Variants in NCBP1 observed in about 807,000 individuals in gnomAD.
The protein encoded by NCBP1 is nuclear cap-binding protein subunit 1.
NCBP1 carries 16 observed loss-of-function variants against 111.7 expected under a neutral mutation model. The observed-to-expected ratio is 0.14, with a 90% CI of 0.10 to 0.22. NCBP1 has a LOEUF of 0.22. Among genes scored for constraint, NCBP1 ranks in the 10% least tolerant of loss-of-function variants. The pLI is 1.00. For missense variants in NCBP1, 607 were observed against 957.5 expected, an observed-to-expected ratio of 0.63 and a Z score of 4.83; for synonymous variants, 304 against 314.3, an observed-to-expected ratio of 0.97 and a Z score of 0.35.
intron 8 of NCBP1, among the ~76,000 whole-genome samples, chr9:97,648,931 G>T (rs1044373593): frequency 6.6e-6 from 1 of 152,022 alleles, no homozygotes; most frequent in Admixed American, 6.6e-5. Flanking sequence ...CAAACTCCTG[G>T]GCTCAAGCAA....
intron 7 of NCBP1, 30 bp downstream of exon 7, chr9:97,647,591 A>C (rs760531773): frequency 4.5e-5 from 70 of 1,539,162 alleles, no homozygotes; most frequent in Non-Finnish European, 6.0e-5. Context: ...TTGTGATACA[A>C]ACACAGTCAG....
intron 4 of NCBP1, among the ~76,000 whole-genome samples, chr9:97,644,718 G>T (rs1032740253): frequency 1.3e-5 from 2 of 152,162 alleles, no homozygotes; most frequent in African/African-American, 4.8e-5. Flanking sequence ...CTGGATTCTT[G>T]ATGTAGTATA....
chr9:97,649,510 A>G lies in NCBP1; in HGVS notation c.898-993A>G, dbSNP rs542688294. On this transcript the variant is annotated intron_variant, in intron 8 of 22. Transcript: ENST00000375147. ...TCTTCTATTGTCTCTTTTCTGTTCT[A>G]TGGTAAAGTGCTAATGACCAGTAGG... Among the ~76,000 whole-genome samples the G allele has an allele frequency of 2.6e-5, 4 of 152,298 alleles. No homozygotes were observed. The East Asian group carries it at 5.8e-4, about 22-fold the overall frequency.
At chr9:97,659,535 A>T (rs1232024275) in intron 15 of NCBP1, among the ~76,000 whole-genome samples, 1 of 152,234 alleles carries the variant, frequency 6.6e-6, no homozygotes, top group South Asian at 2.1e-4. Flanking sequence ...AGATATGATT[A>T]TCAAAACTAC....
At chr9:97,639,423 G>A (rs532900469) in intron 1 of NCBP1, among the ~76,000 whole-genome samples, 3 of 152,258 alleles carry the variant, frequency 2.0e-5, no homozygotes, top group African/African-American at 4.8e-5. Context: ...TGTGTTTTAT[G>A]AGAATCACCA....
intron 1 of NCBP1, among the ~76,000 whole-genome samples, chr9:97,636,559 T>A (rs1827037434): frequency 6.9e-6 from 1 of 145,486 alleles, no homozygotes; most frequent in South Asian, 2.1e-4. Flanking sequence ...ATAAGTTTTA[T>A]ATAAATATAT....
chr9:97,636,506 ATATTATAAATTTATATTTATATATT>A (rs899478023), intron 1 of NCBP1, among the ~76,000 whole-genome samples: 9 of 30,612 alleles, frequency 2.9e-4, no homozygotes, highest in Non-Finnish European at 1.0e-3. Flanking sequence ...TTATATTTAT[ATATTATAAATTTATATTTATATATT>A]ATATAAGTTT....
At chr9:97,637,504 G>A (rs902011986) in intron 1 of NCBP1, among the ~76,000 whole-genome samples, 5 of 152,186 alleles carry the variant, frequency 3.3e-5, no homozygotes, top group African/African-American at 1.2e-4. Context: ...CCCCATTTAA[G>A]CTTCTTAGAA....
Position 97,671,163 on chromosome 9 carries a change from G to A in NCBP1, c.2337G>A (p.Leu779=). The A allele has an allele frequency of 6.2e-7, 1 of 1,613,424 alleles. No individual in the cohort carries two copies. The highest frequency in any genetic ancestry group is 8.5e-7 in the Non-Finnish European group (1 of 1,179,444). The change falls in exon 23 of 23, where the codon TTG becomes TTA. Residue 779 remains leucine (L), a synonymous_variant. Transcript: ENST00000375147. The part of the protein sequence containing the change: ...LFTAELDPHI[L]AVFQQFCALQ... The stretch of plus-strand genomic sequence containing the variant: ...CTGCTGAATTAGACCCTCATATCTT[G>A]GCCGTGTTCCAGCAGTTCTGTGCCC...
At chr9:97,663,264 T>G (rs945438639) in intron 18 of NCBP1, among the ~76,000 whole-genome samples, 7 of 152,212 alleles carry the variant, frequency 4.6e-5, no homozygotes, top group South Asian at 4.1e-4. Context: ...CTATAATATC[T>G]CAATATGTTT....
intron 14 of NCBP1, among the ~76,000 whole-genome samples, chr9:97,657,315 C>T (rs1030550287): frequency 2.0e-5 from 3 of 152,192 alleles, no homozygotes; most frequent in African/African-American, 7.2e-5. Context: ...TTGTCATTCT[C>T]TTCAGATTCC....
chr9:97,653,028 G>A (rs1476669704), intron 10 of NCBP1, among the ~76,000 whole-genome samples: 1 of 151,988 alleles, frequency 6.6e-6, no homozygotes, highest in East Asian at 1.9e-4. Flanking sequence ...AAGAAGTCTT[G>A]GACTGCCAGA....
At position 97,660,991 on chromosome 9, in the gene NCBP1, T is replaced by A; in HGVS notation, c.1523T>A (p.Phe508Tyr). 6 of 1,612,888 alleles carry A rather than the reference T, an allele frequency of 3.7e-6. No homozygotes were observed. The highest frequency in any genetic ancestry group is 5.1e-6 in the Non-Finnish European group (6 of 1,179,742). Reference sequence around the variant, plus strand: ...GTTGCCCTCTGTTTAGCTGTTGCCTTTAAAAGTAAGGCAACCAATGATGAA... The same window carrying A: ...GTTGCCCTCTGTTTAGCTGTTGCCTATAAAAGTAAGGCAACCAATGATGAA... The part of the protein sequence containing the change: ...HSVALCLAVA[F>Y]KSKATNDEIF... The change falls in exon 16 of 23, where the codon TTT becomes TAT. Residue 508 changes from phenylalanine (F) to tyrosine (Y), a missense_variant. Phe to Tyr is a conservative substitution (Grantham distance 22, BLOSUM62 3). Coordinates refer to ENST00000375147, the MANE Select transcript of NCBP1 (RefSeq NM_002486.5).
At chr9:97,661,181 C>G (rs1432430909) in intron 16 of NCBP1, 113 bp downstream of exon 16, 1 of 1,284,792 alleles carries the variant, frequency 7.8e-7, no homozygotes, top group Admixed American at 2.6e-5. Context: ...TCTGTTTGAC[C>G]TGTTCAGACT....
At chr9:97,668,995 T>C (rs766385234) in intron 21 of NCBP1, 21 bp downstream of exon 21, 5 of 1,586,596 alleles carry the variant, frequency 3.2e-6, no homozygotes, top group Non-Finnish European at 4.3e-6. Flanking sequence ...TTGGGACATT[T>C]ATACATAAAA....
chr9:97,662,007 T>G (rs1827853925), intron 16 of NCBP1, 35 bp from the exon 17 acceptor site: 1 of 1,500,640 alleles, frequency 6.7e-7, no homozygotes, highest in Non-Finnish European at 9.3e-7. Context: ...TTGCTGTGCT[T>G]ACATTTTTCT....
At chr9:97,655,078 T>A in intron 12 of NCBP1, 134 bp downstream of exon 12, 1 of 643,484 alleles carries the variant, frequency 1.6e-6, no homozygotes, top group Non-Finnish European at 2.5e-6. Flanking sequence ...AACCTTTGTA[T>A]AATAACCAGA....
intron 14 of NCBP1, among the ~76,000 whole-genome samples, chr9:97,657,620 GTTC>G (rs1323162209): frequency 1.7e-4 from 26 of 152,132 alleles, no homozygotes; most frequent in African/African-American, 5.8e-4. Context: ...CTCTTACTCT[GTTC>G]TTCATCAGAT....
chr9:97,643,397 G>A, intron 4 of NCBP1, 37 bp downstream of exon 4: 1 of 1,504,354 alleles, frequency 6.6e-7, no homozygotes. Flanking sequence ...TATGACTACT[G>A]TTGGGATGGA....
Sources: allele counts gnomAD v4.1 joint callset (sites outside exome capture counted in the v4.1 genomes callset), GRCh38; gene constraint gnomAD v4.1.1; transcripts MANE v1.5; gene names NCBI Gene and HGNC (gene_info 2026-07-23, HGNC 2026-07-21).